The following ROBO2 variants were observed in gnomAD, a reference collection of about 807,000 sequenced individuals.
ROBO2 encodes roundabout homolog 2.
ROBO2 carries 53 observed loss-of-function variants against 160.8 expected under a neutral mutation model. The ratio of observed to expected loss-of-function variants is 0.33; its 90% CI spans 0.26 to 0.41. ROBO2 has a LOEUF of 0.41. Ranked by LOEUF, ROBO2 falls within the 10% of genes least tolerant of loss-of-function variation. The probability of loss-of-function intolerance (pLI) is 1.00; values close to 1 mark genes in which losing one functional copy is unlikely to be tolerated. For synonymous variants in ROBO2, 664 were observed against 611.7 expected (o/e 1.09, Z -1.26); for missense variants, 1,577 against 1,722.4 (o/e 0.92, Z 1.49).
intron 1 of ROBO2, among the ~76,000 whole-genome samples, chr3:75,935,198 G>A (rs1353983124): frequency 2.6e-5 from 4 of 152,048 alleles, no homozygotes; most frequent in African/African-American, 9.7e-5. Context: ...AATTAAACTT[G>A]TGTAATTAAA....
chr3:77,344,661 GT>G (rs1415438176), intron 2 of ROBO2, among the ~76,000 whole-genome samples: 2 of 152,036 alleles, frequency 1.3e-5, no homozygotes, highest in Non-Finnish European at 2.9e-5. Context: ...AGTATAGGGT[GT>G]TTTTTTGTTA....
intron 2 of ROBO2, among the ~76,000 whole-genome samples, chr3:77,033,893 T>C (rs2063471165): frequency 6.6e-6 from 1 of 152,010 alleles, no homozygotes; most frequent in South Asian, 2.1e-4. Flanking sequence ...AACCAGCCAT[T>C]GAAACTTTTT....
At chr3:76,268,976 T>C (rs1444121072) in intron 2 of ROBO2, among the ~76,000 whole-genome samples, 1 of 152,122 alleles carries the variant, frequency 6.6e-6, no homozygotes, top group Non-Finnish European at 1.5e-5. Flanking sequence ...ATCAGAGATT[T>C]GTTTAATATT....
intron 2 of ROBO2, among the ~76,000 whole-genome samples, chr3:77,015,282 G>A (rs943027057): frequency 1.1e-4 from 17 of 152,048 alleles, no homozygotes; most frequent in African/African-American, 2.9e-4. Context: ...TGTTATTAGC[G>A]GTGTCACTTC....
At chr3:76,998,627 G>A (rs1446145106) in intron 2 of ROBO2, among the ~76,000 whole-genome samples, 1 of 152,126 alleles carries the variant, frequency 6.6e-6, no homozygotes, top group Non-Finnish European at 1.5e-5. Context: ...AAACAAAATG[G>A]TATTTCCTTT....
chr3:76,863,748 A>C (rs2071068325), intron 2 of ROBO2, among the ~76,000 whole-genome samples: 1 of 152,044 alleles, frequency 6.6e-6, no homozygotes, highest in Non-Finnish European at 1.5e-5. Flanking sequence ...TATAACATGT[A>C]AGTTAATTAT....
intron 2 of ROBO2, among the ~76,000 whole-genome samples, chr3:75,944,535 T>C (rs1948197225): frequency 6.6e-6 from 1 of 152,128 alleles, no homozygotes; most frequent in African/African-American, 2.4e-5. Context: ...ACCTGGCACC[T>C]TTCCATTATA....
chr3:75,948,541 C>T (rs576720633), intron 2 of ROBO2, among the ~76,000 whole-genome samples: 35 of 152,148 alleles, frequency 2.3e-4, no homozygotes, highest in African/African-American at 8.2e-4. Context: ...TTTAGCCTTC[C>T]GTGGTTTCTC....
At chr3:77,609,140 C>T (rs1372704476) in intron 21 of ROBO2, among the ~76,000 whole-genome samples, 3 of 151,560 alleles carry the variant, frequency 2.0e-5, no homozygotes, top group African/African-American at 7.3e-5. Context: ...TCTTCCTTTC[C>T]CTCCAAAAGC....
chr3:76,758,343 A>G (rs112944675), intron 2 of ROBO2, among the ~76,000 whole-genome samples: 75 of 151,928 alleles, frequency 4.9e-4, no homozygotes, highest in Non-Finnish European at 8.8e-4. Flanking sequence ...GTACTAAAAC[A>G]GAGGAATTGT....
intron 1 of ROBO2, among the ~76,000 whole-genome samples, chr3:77,049,180 G>A (rs778648667): frequency 4.6e-5 from 7 of 152,076 alleles, no homozygotes; most frequent in Non-Finnish European, 8.8e-5. Context: ...AAGAAAAAAA[G>A]TTAGCTGGGC....
exon 26 of ROBO2, chr3:77,649,122 G>A (rs1338723153): frequency 3.3e-5 from 5 of 152,096 alleles, no homozygotes; most frequent in Admixed American, 6.6e-5. Context: ...GGCATGAAAA[G>A]AATTGATTCC....
intron 2 of ROBO2, among the ~76,000 whole-genome samples, chr3:76,170,550 A>G (rs1382143947): frequency 6.6e-6 from 1 of 152,186 alleles, no homozygotes; most frequent in Non-Finnish European, 1.5e-5. Context: ...TGAAACAAAT[A>G]TAGGCAAAAT....
At chr3:76,165,805 G>T (rs2072815208) in intron 2 of ROBO2, among the ~76,000 whole-genome samples, 1 of 152,054 alleles carries the variant, frequency 6.6e-6, no homozygotes, top group African/African-American at 2.4e-5. Flanking sequence ...GAGAGAGAAT[G>T]GGAAACAGCC....
intron 2 of ROBO2, among the ~76,000 whole-genome samples, chr3:76,866,697 T>C (rs1032685572): frequency 1.3e-5 from 2 of 152,178 alleles, no homozygotes; most frequent in African/African-American, 4.8e-5. Context: ...ATACCAACTC[T>C]TGTTCTATGA....
At chr3:76,013,749 G>A (rs770915502) in intron 2 of ROBO2, among the ~76,000 whole-genome samples, 4 of 149,464 alleles carry the variant, frequency 2.7e-5, no homozygotes, top group South Asian at 2.1e-4. Flanking sequence ...AAGGCAATTG[G>A]CAACTGGGCA....
At chr3:77,092,408 T>C (rs893338343) in intron 1 of ROBO2, among the ~76,000 whole-genome samples, 4 of 151,954 alleles carry the variant, frequency 2.6e-5, no homozygotes, top group African/African-American at 9.6e-5. Flanking sequence ...GCTTCTCCTA[T>C]CTATTCAATT....
At chr3:76,661,372 A>C (rs1318381971) in intron 2 of ROBO2, among the ~76,000 whole-genome samples, 3 of 152,194 alleles carry the variant, frequency 2.0e-5, no homozygotes, top group African/African-American at 7.2e-5. Flanking sequence ...AAAGTATCTG[A>C]GATAAGTCTC....
intron 2 of ROBO2, among the ~76,000 whole-genome samples, chr3:76,215,424 C>T (rs575223677): frequency 8.6e-5 from 13 of 152,044 alleles, no homozygotes; most frequent in East Asian, 1.9e-4. Context: ...AAAAATTAGA[C>T]GAATGGCTAA....
Sources: gnomAD v4.1 joint callset for allele counts (sites outside exome capture counted in the v4.1 genomes callset) on GRCh38, gnomAD v4.1.1 for gene constraint, MANE v1.5 for transcripts, NCBI Gene and HGNC (gene_info 2026-07-23, HGNC 2026-07-21) for gene names.